The following CEP68 variants were observed in gnomAD, a reference collection of about 807,000 sequenced individuals.
CEP68 encodes centrosomal protein 68, also known as centrosomal protein of 68 kDa.
CEP68 carries 26 observed loss-of-function variants against 55.3 expected under a neutral mutation model. The ratio of observed to expected loss-of-function variants is 0.47; its 90% CI spans 0.34 to 0.65. The LOEUF is 0.65. Ranked by LOEUF, CEP68 falls within the 30% of genes least tolerant of loss-of-function variation. CEP68 has a pLI of 0.01. For synonymous variants in CEP68, 402 were observed against 383.2 expected (o/e 1.05, Z -0.57); for missense variants, 957 against 946.7 (o/e 1.01, Z -0.14).
intron 1 of CEP68, among the ~76,000 whole-genome samples, chr2:65,056,816 A>G (rs1675624397): frequency 6.6e-6 from 1 of 152,084 alleles, no homozygotes; most frequent in East Asian, 1.9e-4. Flanking sequence ...GGGCTTGGGA[A>G]TGCCCGGGCG....
At chr2:65,081,305 A>G (rs1461815857) in intron 5 of CEP68, among the ~76,000 whole-genome samples, 1 of 151,730 alleles carries the variant, frequency 6.6e-6, no homozygotes, top group Non-Finnish European at 1.5e-5. Flanking sequence ...CCTCTGCCAC[A>G]CTCTGCCAAC....
chr2:65,078,974 G>A (rs914266604), intron 5 of CEP68, among the ~76,000 whole-genome samples: 1 of 152,218 alleles, frequency 6.6e-6, no homozygotes, highest in Non-Finnish European at 1.5e-5. Flanking sequence ...GAGGGCATGG[G>A]GGATGAGGAT....
In CEP68 at chr2:65,083,088, A is replaced by C. The variant is rs182508591; in HGVS notation, c.*4+379A>C. Among the ~76,000 whole-genome samples the C allele has an allele frequency of 2.6e-5, 4 of 152,286 alleles. No homozygotes were observed. In the East Asian group the frequency reaches 7.7e-4, roughly 29 times the overall value. ...CATGACCTGGCCACCCCTGTTCTGC[A>C]GGATCTTCTCCCCAGCTCATTTGGT... On this transcript the variant is annotated intron_variant, in intron 6 of 6. Transcript: ENST00000377990.
chr2:65,071,834 C>G lies in CEP68; in HGVS notation c.738C>G (p.Pro246=), dbSNP rs1039694741. ...CTGTGGTGGGGCTAGGACCTCGGCC[C>G]CAGTGGTCACCACAGCCTGTGTTCT... ...PSSVVGLGPR[P]QWSPQPVFSG... is the part of the protein sequence containing the mutation. The change falls in exon 3 of 7, where the codon CCC becomes CCG. Residue 246 remains proline (P), a synonymous_variant. Transcript: ENST00000377990. 2.5e-6 allele frequency: 4 copies of G among 1,603,018 alleles called. No individual in the cohort carries two copies. Among genetic ancestry groups the G allele is most frequent in the Non-Finnish European group, 3.4e-6 (4 of 1,173,572 alleles).
chr2:65,082,061 C>A (rs1668854116), intron 5 of CEP68, among the ~76,000 whole-genome samples: 1 of 152,168 alleles, frequency 6.6e-6, no homozygotes, highest in Admixed American at 6.5e-5. Flanking sequence ...TCAAGCACTC[C>A]CAAATCTATT....
intron 1 of CEP68, among the ~76,000 whole-genome samples, chr2:65,067,885 G>C (rs1026626319): frequency 6.6e-6 from 1 of 152,182 alleles, no homozygotes; most frequent in Non-Finnish European, 1.5e-5. Context: ...CTGGAGCCTG[G>C]CATGCCCCAT....
chr2:65,065,433 A>G (rs987773285), intron 1 of CEP68, among the ~76,000 whole-genome samples: 5 of 152,264 alleles, frequency 3.3e-5, no homozygotes, highest in African/African-American at 1.2e-4. Context: ...CTGTCTTTGT[A>G]CGGTAAGTCC....
intron 2 of CEP68, among the ~76,000 whole-genome samples, chr2:65,070,418 A>G (rs1248690663): frequency 6.6e-6 from 1 of 151,524 alleles, no homozygotes; most frequent in African/African-American, 2.4e-5. Context: ...TTGGGAGGTG[A>G]CCGGAATGAT....
chr2:65,082,749 C>A, intron 6 of CEP68, 40 bp downstream of exon 6: 1 of 1,480,052 alleles, frequency 6.8e-7, no homozygotes, highest in Non-Finnish European at 9.0e-7. Flanking sequence ...GCCCACCAAC[C>A]CTGCTGTAAC....
In CEP68 at chr2:65,086,754, T is replaced by G. The variant is rs1669039527; in HGVS notation, c.*3120T>G. 4 of 152,678 alleles carry G rather than the reference T, an allele frequency of 2.6e-5. No individual in the cohort carries two copies. In the South Asian group the frequency reaches 8.3e-4, roughly 32 times the overall value. The allele number at this position is 152,678 out of a possible 1,614,324, so 9.5% of individuals were successfully genotyped here. ...TGTATTAAGGCAAAAACAAAACTTC[T>G]GAAGCATTAAAGATCTTCACCAAAA... On this transcript the variant is annotated 3_prime_UTR_variant, in exon 7 of 7. Coordinates refer to ENST00000377990, the MANE Select transcript of CEP68 (RefSeq NM_015147.3).
In CEP68 at chr2:65,082,586, A is replaced by G; in HGVS notation, c.2155A>G (p.Ser719Gly). Reference protein sequence around the residue: ...RIAKQSGELESHADRLYDSIL... With the variant: ...RIAKQSGELEGHADRLYDSIL... ...CGCAAAGCAGTCTGGTGAGCTGGAG[A>G]GCCACGCAGATCGCCTGTATGACTC... is the stretch of plus-strand genomic sequence containing the variant. The change falls in exon 6 of 7, where the codon AGC becomes GGC. Residue 719 changes from serine (S) to glycine (G), a missense_variant. Coordinates refer to ENST00000377990, the MANE Select transcript of CEP68 (RefSeq NM_015147.3). 2 of 1,608,004 alleles carry G rather than the reference A, an allele frequency of 1.2e-6. No individual in the cohort carries two copies. The highest frequency in any genetic ancestry group is 1.7e-6 in the Non-Finnish European group (2 of 1,177,838).
intron 4 of CEP68, among the ~76,000 whole-genome samples, chr2:65,075,477 C>A (rs1676719044): frequency 1.3e-5 from 2 of 152,082 alleles, no homozygotes; most frequent in African/African-American, 4.8e-5. Flanking sequence ...TTTCTTGTTT[C>A]TTTTTCATTA....
chr2:65,072,714 C>T lies in CEP68; in HGVS notation c.1618C>T (p.Pro540Ser), dbSNP rs554377541. The T allele has an allele frequency of 1.2e-6, 2 of 1,614,136 alleles. No homozygotes were observed. Among genetic ancestry groups the T allele is most frequent in the Admixed American group, 1.7e-5 (1 of 60,024 alleles). Residue 540 changes from proline to serine, a missense_variant, in exon 3 of 7, where the codon CCC becomes TCC. Coordinates refer to ENST00000377990, the MANE Select transcript of CEP68 (RefSeq NM_015147.3). ...FPSSSSQSQL[P>S]PGAALQGSGD... ...TTCAAGCTCCAGCCAAAGCCAGCTT[C>T]CCCCTGGAGCTGCCCTCCAAGGATC...
chr2:65,073,046 C>T, intron 3 of CEP68, 66 bp downstream of exon 3: 2 of 1,541,810 alleles, frequency 1.3e-6, no homozygotes, highest in African/African-American at 1.4e-5. Context: ...AATCCACTAA[C>T]ATCATAATAA....
chr2:65,077,154 C>A (rs1174567109), intron 4 of CEP68, among the ~76,000 whole-genome samples: 1 of 151,994 alleles, frequency 6.6e-6, no homozygotes, highest in African/African-American at 2.4e-5. Flanking sequence ...CACCACCACA[C>A]CCGGCTAATT....
chr2:65,071,457 G>T lies in CEP68; in HGVS notation c.361G>T (p.Glu121Ter). 1 of 1,612,578 alleles carries T rather than the reference G, an allele frequency of 6.2e-7. No homozygotes were observed. Residue 121 changes from glutamate to a stop codon, truncating the protein, a stop_gained, in exon 3 of 7, where the codon GAG (glutamate) becomes TAG (stop). Coordinates refer to ENST00000377990, the MANE Select transcript of CEP68 (RefSeq NM_015147.3). LOFTEE classifies it high-confidence loss of function. ...DLLLSGESQV[E>*]KTKLSSSEEF... ...TTTGTCCCTTTGATCATTGCAGGTG[G>T]AGAAGACCAAGCTTTCTTCCTCCGA...
chr2:65,069,869 C>T, intron 2 of CEP68, 68 bp downstream of exon 2: 1 of 1,301,106 alleles, frequency 7.7e-7, no homozygotes, highest in Non-Finnish European at 1.1e-6. Context: ...AGGATTTCCT[C>T]ACCATCTTGC....
Position 65,071,710 on chromosome 2 carries a change from G to T in CEP68, c.614G>T (p.Ser205Ile). 6.2e-7 allele frequency: 1 copy of T among 1,614,090 alleles called. No individual in the cohort carries two copies. Among genetic ancestry groups the T allele is most frequent in the Non-Finnish European group, 8.5e-7 (1 of 1,180,038 alleles). Reference sequence around the variant, plus strand: ...AGCATCTCTGCTTCCTCCACAGGCAGCAGTCTCCAGGGTCACCAGGAGAGG... The same window carrying T: ...AGCATCTCTGCTTCCTCCACAGGCATCAGTCTCCAGGGTCACCAGGAGAGG... ...SCSISASSTG[S>I]SLQGHQERAE... is the part of the protein sequence containing the mutation. The change falls in exon 3 of 7, where the codon AGC (serine) becomes ATC (isoleucine). Residue 205 changes from serine (S) to isoleucine (I), a missense_variant. Physicochemically the swap from Ser to Ile is moderately radical, Grantham distance 142. Coordinates refer to ENST00000377990, the MANE Select transcript of CEP68 (RefSeq NM_015147.3).
At chr2:65,067,076 TA>T (rs1374343163) in intron 1 of CEP68, among the ~76,000 whole-genome samples, 160 of 142,602 alleles carry the variant, frequency 1.1e-3, no homozygotes, top group Non-Finnish European at 9.6e-4. Context: ...TACTTTTATG[TA>T]AAAAAAAAAA....
Sources: gnomAD v4.1 joint callset for allele counts (sites outside exome capture counted in the v4.1 genomes callset) on GRCh38, gnomAD v4.1.1 for gene constraint, MANE v1.5 for transcripts, NCBI Gene and HGNC (gene_info 2026-07-23, HGNC 2026-07-21) for gene names.